HFM1: variants seen among roughly 807,000 people sequenced by gnomAD.
HFM1 encodes the protein helicase for meiosis 1.
In HFM1, 169 loss-of-function variants were observed where a neutral mutation model predicts 192.1. The ratio of observed to expected loss-of-function variants is 0.88; its 90% CI spans 0.78 to 1.00. HFM1 has a LOEUF of 1.00. Among genes scored for constraint, HFM1 ranks in the 50% least tolerant of loss-of-function variants. The pLI, the probability that HFM1 is intolerant of heterozygous loss-of-function variation, is 0.00. For missense variants in HFM1, 1,661 were observed against 1,668.0 expected (o/e 1.00, Z 0.07); for synonymous variants, 525 against 537.8 (o/e 0.98, Z 0.33).
chr1:91,262,680 T>C (rs1199815292), intron 36 of HFM1, 88 bp from the exon 37 acceptor site: 2 of 747,002 alleles, frequency 2.7e-6, no homozygotes, highest in Non-Finnish European at 4.4e-6. Context: ...GGGAATATGA[T>C]CAAAGTTTAT....
chr1:91,280,886 C>T (rs1375558229), intron 30 of HFM1, among the ~76,000 whole-genome samples: 2 of 152,178 alleles, frequency 1.3e-5, no homozygotes, highest in Non-Finnish European at 2.9e-5. Context: ...TCCTTACCAG[C>T]CAAATCTACA....
chr1:91,276,930 A>G, intron 31 of HFM1, 52 bp downstream of exon 31: 2 of 1,116,686 alleles, frequency 1.8e-6, no homozygotes, highest in Non-Finnish European at 2.6e-6. Flanking sequence ...ACTATCCACC[A>G]AAGACCTTTC....
intron 30 of HFM1, among the ~76,000 whole-genome samples, chr1:91,296,967 C>G (rs1382704833): frequency 6.6e-6 from 1 of 152,138 alleles, no homozygotes; most frequent in Non-Finnish European, 1.5e-5. Context: ...TGCAGTGCAC[C>G]AAGTGTGAGC....
rs574449559 is a variant in HFM1, at chr1:91,286,998, T to G, written c.3392-9936A>C. Reference sequence around the variant, plus strand: ...CACGAGATTATATCCCGCACCTGGCTCAGAGGGTCCTACGCCCACGGAGTC... The same window carrying G: ...CACGAGATTATATCCCGCACCTGGCGCAGAGGGTCCTACGCCCACGGAGTC... On this transcript the variant is annotated intron_variant, in intron 30 of 38. Coordinates refer to ENST00000370425, the MANE Select transcript of HFM1 (RefSeq NM_001017975.6). Among the ~76,000 whole-genome samples, 18 of 152,034 alleles carry G rather than the reference T, an allele frequency of 1.2e-4. No homozygotes were observed. In the East Asian group the frequency reaches 3.1e-3, roughly 26 times the overall value.
At chr1:91,350,917 T>C (rs199866373) in intron 17 of HFM1, 46 bp from the exon 18 acceptor site, 5 of 1,466,064 alleles carry the variant, frequency 3.4e-6, no homozygotes, top group Non-Finnish European at 4.6e-6. Flanking sequence ...TTCAATGCCA[T>C]AACTCTTACT....
chr1:91,332,848 G>T (rs1447176247), intron 20 of HFM1, among the ~76,000 whole-genome samples: 2 of 152,080 alleles, frequency 1.3e-5, no homozygotes, highest in Admixed American at 1.3e-4. Context: ...CATATGAAAA[G>T]GTGCTCAACA....
intron 30 of HFM1, among the ~76,000 whole-genome samples, chr1:91,312,312 C>T (rs1255102556): frequency 6.6e-6 from 1 of 152,124 alleles, no homozygotes. Flanking sequence ...AGACACTCAA[C>T]ACCAACCCAT....
chr1:91,340,803 C>T (rs1655227925), intron 20 of HFM1, among the ~76,000 whole-genome samples: 1 of 152,162 alleles, frequency 6.6e-6, no homozygotes, highest in Non-Finnish European at 1.5e-5. Flanking sequence ...ATTCTAATTT[C>T]AGACAAGACA....
chr1:91,401,138 T>G (rs769200751), intron 1 of HFM1, 29 bp from the exon 2 acceptor site: 1 of 951,924 alleles, frequency 1.1e-6, no homozygotes, highest in African/African-American at 1.8e-5. Context: ...GTAGTTTATA[T>G]TTTATTTATA....
chr1:91,364,630 A>ATTTTTTTTT (rs369717640), intron 13 of HFM1, among the ~76,000 whole-genome samples: 2 of 74,154 alleles, frequency 2.7e-5, no homozygotes, highest in African/African-American at 5.4e-5. Context: ...ATATATATAT[A>ATTTTTTTTT]TATTTTTTTT....
rs71087940 is a variant in HFM1 at position 91,264,361 on chromosome 1, A to ATTTTTTTTTTTTTTTTTTTTTTTTTTTT, written c.3974+1628_3974+1655dup. ...TTCCAAGGGATACCACAAATTTAGT[A>ATTTTTTTTTTTTTTTTTTTTTTTTTTTT]TTTTTTTTTTTTTTTTTTTTTTTTT... is the stretch of plus-strand genomic sequence containing the variant. On this transcript the variant is annotated intron_variant, in intron 36 of 38. Transcript: ENST00000370425. 8.2e-4 allele frequency among the ~76,000 whole-genome samples: 47 copies of ATTTTTTTTTTTTTTTTTTTTTTTTTTTT among 57,092 alleles called. 8 individuals are homozygous for ATTTTTTTTTTTTTTTTTTTTTTTTTTTT. The highest frequency in any genetic ancestry group is 1.8e-3 in the Admixed American group (7 of 3,824). The allele number at this position is 57,092 out of a possible 152,430, so 37.5% of individuals were successfully genotyped here.
At chr1:91,386,899 G>T (rs1242257075) in intron 4 of HFM1, among the ~76,000 whole-genome samples, 1 of 152,092 alleles carries the variant, frequency 6.6e-6, no homozygotes, top group Non-Finnish European at 1.5e-5. Flanking sequence ...AAAAGGAAAA[G>T]ATATAAACTA....
At chr1:91,364,551 A>AACTAATGC (rs1252496555) in intron 13 of HFM1, among the ~76,000 whole-genome samples, 2 of 148,922 alleles carry the variant, frequency 1.3e-5, no homozygotes, top group Non-Finnish European at 3.0e-5. Context: ...TCTGTTGATG[A>AACTAATGC]ACTAATGCAT....
rs187367512 is a variant in HFM1 at position 91,288,579 on chromosome 1, C to T, written c.3392-11517G>A. Among the ~76,000 whole-genome samples the T allele has an allele frequency of 1.9e-3, 283 of 151,978 alleles. 5 individuals are homozygous for T. The East Asian group carries it at 0.047, about 25-fold the overall frequency. ...ACTTGAGATTAGGGAGTGGTGATGA[C>T]TCTTAAGGAGTATGCTGCCTTCAAG... On this transcript the variant is annotated intron_variant, in intron 30 of 38. Coordinates refer to ENST00000370425, the MANE Select transcript of HFM1 (RefSeq NM_001017975.6).
In HFM1 at chr1:91,267,791, T is replaced by A; in HGVS notation, c.3837A>T (p.Leu1279Phe). The A allele has an allele frequency of 6.3e-7, 1 of 1,580,866 alleles. No homozygotes were observed. Among genetic ancestry groups the A allele is most frequent in the Non-Finnish European group, 8.6e-7 (1 of 1,167,688 alleles). The part of the protein sequence containing the change: ...EVWDDFDDEN[L>F]EVTSFSTDTE... ...TATCAGTTGAAAAGCTAGTAACTTC[T>A]AAGTTTTCATCATCAAAATCATCCC... Residue 1279 changes from leucine to phenylalanine, a missense_variant, in exon 35 of 39, where the codon TTA becomes TTT. Physicochemically the swap from Leu to Phe is conservative, Grantham distance 22. Transcript: ENST00000370425.
chr1:91,331,249 T>A (rs1653776949), intron 20 of HFM1, among the ~76,000 whole-genome samples: 1 of 152,176 alleles, frequency 6.6e-6, no homozygotes, highest in South Asian at 2.1e-4. Context: ...ACAAGAAAAC[T>A]GTCAGAAATA....
chr1:91,262,240 C>A lies in HFM1; in HGVS notation c.4238+1G>T. The A allele has an allele frequency of 7.6e-7, 1 of 1,314,050 alleles. No individual in the cohort carries two copies. Among genetic ancestry groups the A allele is most frequent in the Non-Finnish European group, 1.1e-6 (1 of 944,002 alleles). The allele number at this position is 1,314,050 out of a possible 1,614,324, so 81.4% of individuals were successfully genotyped here. On this transcript the variant is annotated splice_donor_variant, in intron 38 of 38. Transcript: ENST00000370425. LOFTEE classifies it high-confidence loss of function. Reference sequence around the variant, plus strand: ...TTAAAGTGTCTTTAAAGAGTTCTTACCTGAAATCAACTTCCTTTTTACATT... The same window carrying A: ...TTAAAGTGTCTTTAAAGAGTTCTTAACTGAAATCAACTTCCTTTTTACATT...
intron 20 of HFM1, among the ~76,000 whole-genome samples, chr1:91,330,025 G>A (rs553172927): frequency 2.6e-5 from 4 of 152,116 alleles, no homozygotes; most frequent in Admixed American, 6.5e-5. Flanking sequence ...GCAGAGAGCT[G>A]GAGCCCCTGG....
At chr1:91,358,239 G>A (rs929033041) in intron 13 of HFM1, among the ~76,000 whole-genome samples, 12 of 151,850 alleles carry the variant, frequency 7.9e-5, no homozygotes, top group African/African-American at 2.2e-4. Context: ...AGCCGAGATC[G>A]CGCCACTGCA....
Sources: gnomAD v4.1 joint callset for allele counts (sites outside exome capture counted in the v4.1 genomes callset) on GRCh38, gnomAD v4.1.1 for gene constraint, MANE v1.5 for transcripts, NCBI Gene and HGNC (gene_info 2026-07-23, HGNC 2026-07-21) for gene names.